The following CDH4 variants were observed in gnomAD, a reference collection of about 807,000 sequenced individuals.
CDH4 encodes the protein cadherin 4, also known as cadherin-4.
A neutral mutation model predicts 86.0 loss-of-function variants in CDH4; 33 were observed. The ratio of observed to expected loss-of-function variants is 0.38; its 90% CI spans 0.29 to 0.51. The LOEUF is 0.51. Ranked by LOEUF, CDH4 falls within the 20% of genes least tolerant of loss-of-function variation. The pLI is 0.86. For synonymous variants in CDH4, 555 were observed against 549.4 expected, an observed-to-expected ratio of 1.01 and a Z score of -0.14; for missense variants, 1,114 against 1,307.4, an observed-to-expected ratio of 0.85 and a Z score of 2.28.
chr20:61,284,075 G>A (rs1174616166), intron 2 of CDH4, among the ~76,000 whole-genome samples: 1 of 151,946 alleles, frequency 6.6e-6, no homozygotes, highest in East Asian at 1.9e-4. Context: ...GGAGGACAAG[G>A]CGGGTGGATC....
Position 61,295,755 on chromosome 20 carries a change from C to A in CDH4, c.169+40818C>A, listed in dbSNP as rs112322494. 4.2e-3 allele frequency among the ~76,000 whole-genome samples: 647 copies of A among 152,276 alleles called. 3 individuals carry two copies. The highest frequency in any genetic ancestry group is 0.02 in the South Asian group (99 of 4,832). ...GGGAAGGAGGCGGTGGCCAGGCAGA[C>A]CCCTGTCCCTTACCAGCTCCTCGTG... On this transcript the variant is annotated intron_variant, in intron 2 of 15. Coordinates refer to ENST00000614565, the MANE Select transcript of CDH4 (RefSeq NM_001794.5).
intron 2 of CDH4, chr20:61,718,559 C>T (rs2087991568): frequency 5.9e-6 from 2 of 338,084 alleles, no homozygotes; most frequent in South Asian, 2.4e-5. Flanking sequence ...ACCTCGATCA[C>T]AGCCAAGCAC....
intron 2 of CDH4, among the ~76,000 whole-genome samples, chr20:61,599,069 T>A (rs2086578185): frequency 6.6e-6 from 1 of 152,130 alleles, no homozygotes; most frequent in Non-Finnish European, 1.5e-5. Context: ...TGACACCACG[T>A]CCCTGGGAAG....
Position 61,543,974 on chromosome 20 carries a change from G to C in CDH4, c.170-199589G>C, listed in dbSNP as rs1187773978. Among the ~76,000 whole-genome samples, 7 of 152,338 alleles carry C rather than the reference G, an allele frequency of 4.6e-5. 1 individual carries two copies. In the Middle Eastern group the frequency reaches 0.017, roughly 370 times the overall value. ...TCTGCAAAGATAGGCTCTCCACAGAGCTAAGAGGGTGTGGTGGTACAGCTT... is the reference window on the plus strand; with the variant it reads ...TCTGCAAAGATAGGCTCTCCACAGACCTAAGAGGGTGTGGTGGTACAGCTT... On this transcript the variant is annotated intron_variant, in intron 2 of 15. Coordinates refer to ENST00000614565, the MANE Select transcript of CDH4 (RefSeq NM_001794.5).
At chr20:61,559,959 T>C (rs2086204511) in intron 2 of CDH4, among the ~76,000 whole-genome samples, 1 of 152,140 alleles carries the variant, frequency 6.6e-6, no homozygotes, top group Non-Finnish European at 1.5e-5. Flanking sequence ...ACTGCCAACC[T>C]CAGAGCACCA....
At chr20:61,621,700 A>C (rs1361251034) in intron 2 of CDH4, among the ~76,000 whole-genome samples, 11 of 152,258 alleles carry the variant, frequency 7.2e-5, no homozygotes. Flanking sequence ...GCTAGTTTAT[A>C]GTTCAAGGTC....
At chr20:61,502,046 T>C (rs2145601768) in intron 2 of CDH4, among the ~76,000 whole-genome samples, 1 of 151,504 alleles carries the variant, frequency 6.6e-6, no homozygotes, top group South Asian at 2.1e-4. Context: ...CATTGCATGA[T>C]CTTTCATGGT....
At chr20:61,358,574 T>C (rs1303545551) in intron 2 of CDH4, among the ~76,000 whole-genome samples, 3 of 152,244 alleles carry the variant, frequency 2.0e-5, no homozygotes, top group African/African-American at 7.2e-5. Flanking sequence ...ATTATTCTGC[T>C]AATTAGTAAA....
At chr20:61,549,006 C>T (rs1375023193) in intron 2 of CDH4, among the ~76,000 whole-genome samples, 4 of 151,454 alleles carry the variant, frequency 2.6e-5, no homozygotes, top group Admixed American at 6.6e-5. Flanking sequence ...GGGTGGAAGC[C>T]GCCTTTGGGA....
At chr20:61,432,190 A>G (rs922509497) in intron 2 of CDH4, among the ~76,000 whole-genome samples, 2 of 152,230 alleles carry the variant, frequency 1.3e-5, no homozygotes, top group Non-Finnish European at 2.9e-5. Context: ...AGAAGTGTTT[A>G]ACTTTTTAAG....
chr20:61,639,236 T>C (rs2086980053), intron 2 of CDH4, among the ~76,000 whole-genome samples: 1 of 152,160 alleles, frequency 6.6e-6, no homozygotes, highest in South Asian at 2.1e-4. Flanking sequence ...GTGGTGGTAA[T>C]CTGTGCAATT....
chr20:61,524,549 A>G lies in CDH4; in HGVS notation c.170-219014A>G, dbSNP rs144898079. On this transcript the variant is annotated intron_variant, in intron 2 of 15. Transcript: ENST00000614565. ...TCCCAGGCTGGAGTGCAGTGCTGCAATCTCAGCTCACTGCAGCCTCAACCT... is the reference window on the plus strand; with the variant it reads ...TCCCAGGCTGGAGTGCAGTGCTGCAGTCTCAGCTCACTGCAGCCTCAACCT... 4.5e-3 allele frequency among the ~76,000 whole-genome samples: 687 copies of G among 151,834 alleles called. 3 individuals carry two copies. The highest frequency in any genetic ancestry group is 0.014 in the Middle Eastern group (4 of 294).
intron 4 of CDH4, among the ~76,000 whole-genome samples, chr20:61,790,230 CCATCCATTCATCTCTCCATT>C (rs998610483): frequency 2.6e-5 from 4 of 152,062 alleles, no homozygotes; most frequent in Non-Finnish European, 5.9e-5. Context: ...CACCTACCAT[CCATCCATTCATCTCTCCATT>C]CATCCATTCA....
chr20:61,409,147 G>A (rs1277907840), intron 2 of CDH4, among the ~76,000 whole-genome samples: 2 of 152,278 alleles, frequency 1.3e-5, no homozygotes, highest in South Asian at 4.1e-4. Context: ...CACGTGGTGG[G>A]GACAGCTCTC....
At chr20:61,401,421 G>A (rs1421104928) in intron 2 of CDH4, among the ~76,000 whole-genome samples, 4 of 152,060 alleles carry the variant, frequency 2.6e-5, no homozygotes, top group Non-Finnish European at 4.4e-5. Context: ...AGAATCTCAC[G>A]ATTGCACCCC....
rs144423376 is a variant in CDH4 at position 61,618,615 on chromosome 20, C to T, written c.170-124948C>T. ...AATGACTGGAGGTGCATCCAGCACC[C>T]GGCATGGTCCTGGTTATGGAGCAAT... On this transcript the variant is annotated intron_variant, in intron 2 of 15. Coordinates refer to ENST00000614565, the MANE Select transcript of CDH4 (RefSeq NM_001794.5). Among the ~76,000 whole-genome samples, 413 of 152,234 alleles carry T rather than the reference C, an allele frequency of 2.7e-3. 2 individuals carry two copies. The highest frequency in any genetic ancestry group is 6.7e-3 in the African/African-American group (278 of 41,554).
In CDH4 at chr20:61,501,340, C is replaced by T. The variant is rs561928529; in HGVS notation, c.170-242223C>T. On this transcript the variant is annotated intron_variant, in intron 2 of 15. Coordinates refer to ENST00000614565, the MANE Select transcript of CDH4 (RefSeq NM_001794.5). The surrounding 1 kb of genome is among the most constrained non-coding windows in gnomAD (Gnocchi z 4.2). ...TTCCGTGCAGAACAGCGGTTAGAGA[C>T]GGGTGGAAAGAGAGAGCATTGGGGT... Among the ~76,000 whole-genome samples, 46 of 152,226 alleles carry T rather than the reference C, an allele frequency of 3.0e-4. No individual in the cohort carries two copies. The highest frequency in any genetic ancestry group is 2.1e-4 in the South Asian group (1 of 4,826).
rs2054839417 is a variant in CDH4, at chr20:61,910,558, G to A, written c.1325G>A (p.Ser442Asn). The A allele has an allele frequency of 6.2e-7, 1 of 1,613,936 alleles. No homozygotes were observed. Among genetic ancestry groups the A allele is most frequent in the East Asian group, 2.2e-5 (1 of 44,880 alleles). ...AGTGGGGATCCATCCGGGCACTTCA[G>A]CGTCCGCACAGACCCCGTAACCAAC... is the stretch of plus-strand genomic sequence containing the variant. ...IISGDPSGHF[S>N]VRTDPVTNEG... The change falls in exon 9 of 16, where the codon AGC becomes AAC. Residue 442 changes from serine (S) to asparagine (N), a missense_variant. Physicochemically the swap from Ser to Asn is conservative, Grantham distance 46. Around this residue, in one of 3 missense-constraint regions of CDH4, gnomAD observed 705 missense variants for 914.1 expected, o/e 0.77. Transcript: ENST00000614565.
intron 2 of CDH4, among the ~76,000 whole-genome samples, chr20:61,659,766 A>C (rs1300003282): frequency 6.6e-6 from 1 of 152,110 alleles, no homozygotes. Flanking sequence ...GCTTGGAGGC[A>C]GGAGGAGGGG....
Sources: allele counts gnomAD v4.1 joint callset (sites outside exome capture counted in the v4.1 genomes callset), GRCh38; gene constraint gnomAD v4.1.1; regional missense constraint gnomAD v4.1.1; non-coding constraint Gnocchi (gnomAD v3.1); transcripts MANE v1.5; gene names NCBI Gene and HGNC (gene_info 2026-07-23, HGNC 2026-07-21).